The following UHRF1 variants were observed in gnomAD, a reference collection of about 807,000 sequenced individuals.
UHRF1 encodes the protein E3 ubiquitin-protein ligase UHRF1.
A neutral mutation model predicts 96.5 loss-of-function variants in UHRF1; 9 were observed. The ratio of observed to expected loss-of-function variants is 0.09; its 90% CI spans 0.06 to 0.16. The LOEUF (loss-of-function observed/expected upper bound fraction) is 0.16, where lower values mean the gene tolerates loss of function less well. Among genes scored for constraint, UHRF1 ranks in the 10% least tolerant of loss-of-function variants. The probability of loss-of-function intolerance (pLI) is 1.00; values close to 1 mark genes in which losing one functional copy is unlikely to be tolerated. For missense variants in UHRF1, 626 were observed against 1,131.1 expected (o/e 0.55, Z 6.40); for synonymous variants, 455 against 469.9 (o/e 0.97, Z 0.41).
At chr19:4,908,682 A>G (rs2032128512), upstream of UHRF1, among the ~76,000 whole-genome samples, 1 of 152,044 alleles carries the variant, frequency 6.6e-6, no homozygotes, top group African/African-American at 2.4e-5. Flanking sequence ...CTCCCACCAC[A>G]TGGCTGCTGG....
At chr19:4,942,159 G>T (rs1599282268) in intron 7 of UHRF1, among the ~76,000 whole-genome samples, 1 of 151,868 alleles carries the variant, frequency 6.6e-6, no homozygotes, top group African/African-American at 2.4e-5. Flanking sequence ...TTTTTTGTTT[G>T]TTTTTTTGAG....
In UHRF1 at chr19:4,954,753, C is replaced by T; in HGVS notation, c.2061C>T (p.Asp687=). 1 of 1,613,876 alleles carries T rather than the reference C, an allele frequency of 6.2e-7. No homozygotes were observed. Among genetic ancestry groups the T allele is most frequent in the Non-Finnish European group, 8.5e-7 (1 of 1,179,864 alleles). Residue 687 remains aspartate, a synonymous_variant, in exon 15 of 17, where the codon GAC becomes GAT. Coordinates refer to ENST00000650932, the MANE Select transcript of UHRF1 (RefSeq NM_001048201.3). The surrounding 1 kb of genome is among the most constrained non-coding windows in gnomAD (Gnocchi z 5.9). ...AGCAGAGCAGCCTCATCAGAGAGGA[C>T]AAGAGCAACGCCAAGCTGTGGAATG... The part of the protein sequence containing the change: ...TAQQSSLIRE[D]KSNAKLWNEV...
rs988362654 is a variant in UHRF1 at position 4,929,467 on chromosome 19, G to A, written c.399G>A (p.Gly133=). ...DEDMWDETEL[G]LYKVNEYVDA... ...ACATGTGGGATGAGACGGAATTGGG[G>A]CTGTACAAGGTGAGCCTCCCCTCCG... Residue 133 remains glycine (G), a synonymous_variant, in exon 3 of 17, where the codon GGG becomes GGA. Coordinates refer to ENST00000650932, the MANE Select transcript of UHRF1 (RefSeq NM_001048201.3). The A allele has an allele frequency of 6.2e-6, 10 of 1,612,698 alleles. No homozygotes were observed. Among genetic ancestry groups the A allele is most frequent in the Non-Finnish European group, 8.5e-6 (10 of 1,179,152 alleles).
chr19:4,960,826 C>T lies in UHRF1; in HGVS notation c.*23C>T, dbSNP rs1414041298. 2.1e-6 allele frequency: 3 copies of T among 1,404,260 alleles called. No homozygotes were observed. Among genetic ancestry groups the T allele is most frequent in the Admixed American group, 2.0e-5 (1 of 49,894 alleles). The allele number at this position is 1,404,260 out of a possible 1,614,324, so 87.0% of individuals were successfully genotyped here. ...TGATCTCCAAGCACTTCTCGACAGG[C>T]GTTTTGCTGAAAACGTGTCGGAGGG... On this transcript the variant is annotated 3_prime_UTR_variant, in exon 17 of 17. Coordinates refer to ENST00000650932, the MANE Select transcript of UHRF1 (RefSeq NM_001048201.3).
At chr19:4,947,072 A>C in intron 10 of UHRF1, 33 bp from the exon 11 acceptor site, 1 of 1,519,038 alleles carries the variant, frequency 6.6e-7, no homozygotes, top group Non-Finnish European at 9.1e-7. Flanking sequence ...TTGCCTCTGC[A>C]GAGGGTTCAC....
In UHRF1 at chr19:4,954,633, G is replaced by A. The variant is rs563574776; in HGVS notation, c.1958-17G>A. On this transcript the variant is annotated splice_polypyrimidine_tract_variant and intron_variant, in intron 14 of 16. Coordinates refer to ENST00000650932, the MANE Select transcript of UHRF1 (RefSeq NM_001048201.3). The surrounding 1 kb of genome is among the most constrained non-coding windows in gnomAD (Gnocchi z 5.9). ...CGGGCCACGCGCCCCTCCCTCACGC[G>A]CCCCACCCTCTTCCAGGAGGTGGCC... The A allele has an allele frequency of 7.1e-4, 1,151 of 1,610,678 alleles. 22 individuals carry two copies. The South Asian group carries it at 0.011, about 15-fold the overall frequency.
chr19:4,928,558 T>TG (rs556270528), intron 2 of UHRF1, among the ~76,000 whole-genome samples: 1 of 151,942 alleles, frequency 6.6e-6, no homozygotes, highest in South Asian at 2.1e-4. Flanking sequence ...AAAGGGCGGG[T>TG]GGAGCTGAGG....
At chr19:4,915,765 T>C (rs1372516193) in intron 2 of UHRF1, among the ~76,000 whole-genome samples, 2 of 152,120 alleles carry the variant, frequency 1.3e-5, no homozygotes, top group Non-Finnish European at 2.9e-5. Context: ...AGGCCAGAAT[T>C]GTCCCCGTGG....
chr19:4,929,539 A>C, intron 3 of UHRF1, 63 bp downstream of exon 3: 15 of 1,562,480 alleles, frequency 9.6e-6, no homozygotes, highest in Non-Finnish European at 1.2e-5. Context: ...TGGTCTTTGC[A>C]TACCCAGGGC....
intron 5 of UHRF1, among the ~76,000 whole-genome samples, chr19:4,940,587 G>T (rs1030909803): frequency 2.6e-5 from 4 of 151,540 alleles, no homozygotes; most frequent in African/African-American, 7.3e-5. Flanking sequence ...TGCTAGTCTC[G>T]AAGTCCTGAC....
At chr19:4,917,509 C>T (rs1314809539) in intron 2 of UHRF1, among the ~76,000 whole-genome samples, 2 of 151,604 alleles carry the variant, frequency 1.3e-5, no homozygotes, top group Non-Finnish European at 2.9e-5. Flanking sequence ...CAAAAATTAG[C>T]TGGGGATGGT....
rs376783328 is a variant in UHRF1, at chr19:4,915,901, T to A, written c.153+4863T>A. On this transcript the variant is annotated intron_variant, in intron 2 of 16. Coordinates refer to ENST00000650932, the MANE Select transcript of UHRF1 (RefSeq NM_001048201.3). ...GATCCTTACGTGCGCTGTGTTGGAG[T>A]CTTTCCAGGTCAGGGGTTCTCAAAC... is the stretch of plus-strand genomic sequence containing the variant. Among the ~76,000 whole-genome samples the A allele has an allele frequency of 6.6e-4, 100 of 152,104 alleles. 2 individuals carry two copies. The South Asian group carries it at 0.02, about 31-fold the overall frequency.
intron 5 of UHRF1, among the ~76,000 whole-genome samples, chr19:4,940,643 G>T (rs561192562): frequency 1.3e-5 from 2 of 151,664 alleles, no homozygotes; most frequent in East Asian, 3.9e-4. Flanking sequence ...TGGAATTACA[G>T]ATGTGAGCCA....
intron 7 of UHRF1, among the ~76,000 whole-genome samples, chr19:4,943,710 G>A (rs1160692106): frequency 2.0e-5 from 3 of 152,054 alleles, no homozygotes; most frequent in African/African-American, 7.2e-5. Flanking sequence ...GAGTGCAGTG[G>A]TGCAACCTCG....
At chr19:4,920,510 T>C (rs2032669120) in intron 2 of UHRF1, among the ~76,000 whole-genome samples, 1 of 152,132 alleles carries the variant, frequency 6.6e-6, no homozygotes, top group Non-Finnish European at 1.5e-5. Flanking sequence ...TCTTGTTCAT[T>C]TTGCTCATTT....
chr19:4,944,090 C>A (rs371517469), intron 7 of UHRF1, 42 bp from the exon 8 acceptor site: 1 of 1,608,990 alleles, frequency 6.2e-7, no homozygotes, highest in East Asian at 2.2e-5. Context: ...GCTGAGACAT[C>A]TGCCAGGCTA....
chr19:4,947,028 GA>G, intron 10 of UHRF1, 76 bp from the exon 11 acceptor site: 3 of 1,097,178 alleles, frequency 2.7e-6, no homozygotes, highest in Admixed American at 4.3e-5. Context: ...CCATCCTGGG[GA>G]GTTTGCTTTC....
chr19:4,940,872 C>T (rs1034117059), intron 5 of UHRF1, among the ~76,000 whole-genome samples: 1 of 151,540 alleles, frequency 6.6e-6, no homozygotes, highest in African/African-American at 2.4e-5. Flanking sequence ...AGGGTTTTAC[C>T]ATGTTGGCCA....
At chr19:4,945,108 G>A (rs946715423) in intron 9 of UHRF1, among the ~76,000 whole-genome samples, 19 of 152,188 alleles carry the variant, frequency 1.2e-4, no homozygotes, top group African/African-American at 4.6e-4. Context: ...CTGGGGCAGC[G>A]CTGTATCCCT....
Sources: allele counts gnomAD v4.1 joint callset (sites outside exome capture counted in the v4.1 genomes callset), GRCh38; gene constraint gnomAD v4.1.1; non-coding constraint Gnocchi (gnomAD v3.1); transcripts MANE v1.5; gene names NCBI Gene and HGNC (gene_info 2026-07-23, HGNC 2026-07-21).